Variants in PCDHGA4 observed in about 807,000 individuals in gnomAD.
PCDHGA4 encodes the protein protocadherin gamma subfamily A, 4, also known as protocadherin gamma-A4.
Under a neutral mutation model 54.6 loss-of-function variants are expected in PCDHGA4, and 38 were observed. The ratio of observed to expected loss-of-function variants is 0.70; its 90% CI spans 0.54 to 0.91. The LOEUF (loss-of-function observed/expected upper bound fraction) is 0.91, where lower values mean the gene tolerates loss of function less well. PCDHGA4 is among the 40% of genes least tolerant of loss of function. The probability of loss-of-function intolerance (pLI) is 0.00; values close to 1 mark genes in which losing one functional copy is unlikely to be tolerated. For missense variants in PCDHGA4, 1,298 were observed against 1,220.9 expected (o/e 1.06, Z -0.94); for synonymous variants, 511 against 512.9 (o/e 1.00, Z 0.05).
intron 1 of PCDHGA4, chr5:141,408,742 A>G: frequency 6.2e-7 from 1 of 1,610,074 alleles, no homozygotes; most frequent in Non-Finnish European, 8.5e-7. Flanking sequence ...ATTTTTCATT[A>G]ATGGTTAGAG....
chr5:141,366,268 C>G, intron 1 of PCDHGA4: 2 of 1,613,720 alleles, frequency 1.2e-6, no homozygotes, highest in Non-Finnish European at 1.7e-6. Flanking sequence ...TGGTGGCCGT[C>G]GAAGACCATG....
At chr5:141,499,835 C>T (rs931946377) in intron 2 of PCDHGA4, among the ~76,000 whole-genome samples, 2 of 151,916 alleles carry the variant, frequency 1.3e-5, no homozygotes, top group Admixed American at 6.6e-5. Flanking sequence ...TACAGGTGTG[C>T]ACCACCACAC....
intron 1 of PCDHGA4, chr5:141,427,796 C>A: frequency 6.7e-7 from 1 of 1,502,108 alleles, no homozygotes; most frequent in Non-Finnish European, 9.2e-7. Flanking sequence ...CCTACGTGTC[C>A]GTGAGCGCAC....
At chr5:141,369,170 A>G (rs374004034) in intron 1 of PCDHGA4, among the ~76,000 whole-genome samples, 1 of 152,236 alleles carries the variant, frequency 6.6e-6, no homozygotes, top group Non-Finnish European at 1.5e-5. Flanking sequence ...AAAAGTGTAA[A>G]TAACAAAAAG....
rs573580017 is a variant in PCDHGA4, at chr5:141,484,867, G to T, written c.2515-9940G>T. 33 of 282,678 alleles carry T rather than the reference G, an allele frequency of 1.2e-4. No individual in the cohort carries two copies. The South Asian group carries it at 1.6e-3, about 14-fold the overall frequency. The allele number at this position is 282,678 out of a possible 1,614,324, so 17.5% of individuals were successfully genotyped here. On this transcript the variant is annotated intron_variant, in intron 1 of 3. Transcript: ENST00000571252. ...TGGGTTTTTTGGGGGGTGGGGGAGC[G>T]TGGAGGATAGGGTGGGCTTTTTCCC...
rs767577725 is a variant in PCDHGA4, at chr5:141,485,642, G to C, written c.2515-9165G>C. On this transcript the variant is annotated intron_variant, in intron 1 of 3. Transcript: ENST00000571252. This position sits in a 1 kb window ranked among gnomAD's most constrained non-coding sequence, Gnocchi z 5.7. ...AGGACAGCGTTTCCCGTTGGAAAAGGCTCAGGATGCAGATGTGGGGAGCAA... is the reference window on the plus strand; with the variant it reads ...AGGACAGCGTTTCCCGTTGGAAAAGCCTCAGGATGCAGATGTGGGGAGCAA... 2 of 1,612,044 alleles carry C rather than the reference G, an allele frequency of 1.2e-6. No individual in the cohort carries two copies. The highest frequency in any genetic ancestry group is 8.5e-7 in the Non-Finnish European group (1 of 1,178,592).
At chr5:141,478,088 A>G (rs2099429877) in intron 1 of PCDHGA4, 2 of 1,613,944 alleles carry the variant, frequency 1.2e-6, no homozygotes, top group African/African-American at 1.3e-5. Context: ...TTCGCTCTCC[A>G]CCACTGCTAC....
chr5:141,455,860 A>ATTATTTATTTAT (rs145569377), intron 1 of PCDHGA4, among the ~76,000 whole-genome samples: 9 of 139,836 alleles, frequency 6.4e-5, no homozygotes, highest in African/African-American at 7.9e-5. Context: ...AATTTCTTTT[A>ATTATTTATTTAT]TTATTTATTT....
At chr5:141,500,469 AAAG>A (rs1479386829) in intron 2 of PCDHGA4, among the ~76,000 whole-genome samples, 1 of 152,052 alleles carries the variant, frequency 6.6e-6, no homozygotes, top group Non-Finnish European at 1.5e-5. Context: ...TCGGCCTCCC[AAAG>A]TGCTGGGATT....
chr5:141,508,540 G>A (rs993826709), intron 3 of PCDHGA4, among the ~76,000 whole-genome samples: 3 of 152,144 alleles, frequency 2.0e-5, no homozygotes, highest in African/African-American at 4.8e-5. Flanking sequence ...CCCCCCACGA[G>A]GTGGGCGGGG....
At chr5:141,366,749 C>T in intron 1 of PCDHGA4, 1 of 1,609,608 alleles carries the variant, frequency 6.2e-7, no homozygotes, top group Admixed American at 1.7e-5. Flanking sequence ...ACGGCGAGTT[C>T]AGGTTAGTTT....
rs1224625072 is a variant in PCDHGA4, at chr5:141,490,972, C to T, written c.2515-3835C>T. ...AGACTGGGAACACTCAGCCCCCCAG[C>T]GTCTCCCTCGCTCTGCTCCTCCTGG... On this transcript the variant is annotated intron_variant, in intron 1 of 3. Transcript: ENST00000571252. This position sits in a 1 kb window ranked among gnomAD's most constrained non-coding sequence, Gnocchi z 5.4. The T allele has an allele frequency of 1.2e-5, 20 of 1,613,912 alleles. No individual in the cohort carries two copies. Among genetic ancestry groups the T allele is most frequent in the East Asian group, 4.5e-5 (2 of 44,882 alleles).
At chr5:141,394,297 C>A (rs375160983) in intron 1 of PCDHGA4, 1 of 1,613,990 alleles carries the variant, frequency 6.2e-7, no homozygotes, top group Non-Finnish European at 8.5e-7. Context: ...ACCGAGGACA[C>A]GCTGCAGGGG....
chr5:141,510,568 G>C (rs2099881703), intron 3 of PCDHGA4, among the ~76,000 whole-genome samples: 1 of 152,100 alleles, frequency 6.6e-6, no homozygotes, highest in Non-Finnish European at 1.5e-5. Context: ...CATCTACCAG[G>C]CACTATTTTA....
intron 1 of PCDHGA4, chr5:141,399,023 C>T: frequency 6.2e-7 from 1 of 1,613,914 alleles, no homozygotes; most frequent in African/African-American, 1.3e-5. Flanking sequence ...GAAATTACCA[C>T]TCAAAAGAAA....
Position 141,508,665 on chromosome 5 carries a change from C to T in PCDHGA4, c.2663-2282C>T, listed in dbSNP as rs181641281. ...CGTCAGGCCCTTCCTGTCATTCTGT[C>T]TCTGCCTCCCTTCTCCCTGCTTCTC... On this transcript the variant is annotated intron_variant, in intron 3 of 3. Coordinates refer to ENST00000571252, the MANE Select transcript of PCDHGA4 (RefSeq NM_018917.4). Among the ~76,000 whole-genome samples the T allele has an allele frequency of 3.7e-3, 564 of 152,254 alleles. 5 individuals carry two copies. Among genetic ancestry groups the T allele is most frequent in the Admixed American group, 0.011 (164 of 15,296 alleles).
At chr5:141,370,093 C>T (rs1766669679) in intron 1 of PCDHGA4, among the ~76,000 whole-genome samples, 1 of 152,218 alleles carries the variant, frequency 6.6e-6, no homozygotes, top group South Asian at 2.1e-4. Flanking sequence ...TATCAGTACA[C>T]TGCCGATTTT....
rs570982273 is a variant in PCDHGA4, at chr5:141,476,764, G to T, written c.2515-18043G>T. On this transcript the variant is annotated intron_variant, in intron 1 of 3. Coordinates refer to ENST00000571252, the MANE Select transcript of PCDHGA4 (RefSeq NM_018917.4). This position sits in a 1 kb window ranked among gnomAD's most constrained non-coding sequence, Gnocchi z 7.6. ...CTAGTCTCCAGTTAGTGCTGACGGC[G>T]TTGGACGGAGGGACCCCAGCTCTCT... 1.2e-5 allele frequency: 19 copies of T among 1,613,794 alleles called. No individual in the cohort carries two copies. In the East Asian group the frequency reaches 3.8e-4, roughly 32 times the overall value.
chr5:141,421,748 G>C, intron 1 of PCDHGA4: 1 of 1,613,944 alleles, frequency 6.2e-7, no homozygotes, highest in Non-Finnish European at 8.5e-7. Flanking sequence ...TACCAGCTCA[G>C]CCCTAATAAT....
Sources: gnomAD v4.1 joint callset for allele counts (sites outside exome capture counted in the v4.1 genomes callset) on GRCh38, gnomAD v4.1.1 for gene constraint, Gnocchi (gnomAD v3.1) non-coding constraint, MANE v1.5 for transcripts, NCBI Gene and HGNC (gene_info 2026-07-23, HGNC 2026-07-21) for gene names.